EPS8L2: variants seen among roughly 807,000 people sequenced by gnomAD.
EPS8L2 encodes epidermal growth factor receptor kinase substrate 8-like protein 2.
Under a neutral mutation model 99.4 loss-of-function variants are expected in EPS8L2, and 81 were observed. That is an observed-to-expected ratio of 0.82 (90% CI 0.68 to 0.98). The LOEUF (loss-of-function observed/expected upper bound fraction) is 0.98. EPS8L2 is among the 50% of genes least tolerant of loss of function. The pLI is 0.00. For synonymous variants in EPS8L2, 509 were observed against 407.3 expected, an observed-to-expected ratio of 1.25 and a Z score of -3.01; for missense variants, 1,155 against 968.8, an observed-to-expected ratio of 1.19 and a Z score of -2.55.
rs374778020 is a variant in EPS8L2, at chr11:721,974, C to T, written c.967C>T (p.Leu323=). Residue 323 remains leucine (L), a synonymous_variant, in exon 11 of 21, where the codon CTG becomes TTG. Coordinates refer to ENST00000318562, the MANE Select transcript of EPS8L2 (RefSeq NM_022772.4). Reference sequence around the variant, plus strand: ...CATCGACTGCTTCCAGAAAATCAAGCTGGCGATTAACTTGCTGGTGGGTCC... The same window carrying T: ...CATCGACTGCTTCCAGAAAATCAAGTTGGCGATTAACTTGCTGGTGGGTCC... ...EFIDCFQKIK[L]AINLLAKLQK... is the part of the protein sequence containing the mutation. The T allele has an allele frequency of 3.3e-5, 53 of 1,605,106 alleles. No homozygotes were observed. Among genetic ancestry groups the T allele is most frequent in the Non-Finnish European group, 4.3e-5 (51 of 1,175,978 alleles).
intron 1 of EPS8L2, among the ~76,000 whole-genome samples, chr11:708,316 C>T (rs1398593475): frequency 6.6e-6 from 1 of 152,180 alleles, no homozygotes; most frequent in East Asian, 1.9e-4. Context: ...CTCTGTCCAT[C>T]CCCCCGGGAA....
intron 3 of EPS8L2, chr11:710,074 A>C: frequency 2.7e-6 from 1 of 363,996 alleles, no homozygotes; most frequent in Non-Finnish European, 5.1e-6. Context: ...AGGGAGAGTG[A>C]AGCTGGCAGC....
chr11:716,062 T>C (rs1344389379), intron 4 of EPS8L2, among the ~76,000 whole-genome samples: 1 of 145,408 alleles, frequency 6.9e-6, no homozygotes, highest in African/African-American at 2.5e-5. Flanking sequence ...AACCTCCGCC[T>C]CCTGGGTTCA....
Position 721,047 on chromosome 11 carries a change from A to G in EPS8L2, c.558-17A>G, listed in dbSNP as rs1564975936. 2.9e-6 allele frequency: 4 copies of G among 1,390,604 alleles called. No homozygotes were observed. The highest frequency in any genetic ancestry group is 2.8e-6 in the Non-Finnish European group (3 of 1,064,884). The allele number at this position is 1,390,604 out of a possible 1,614,324, so 86.1% of individuals were successfully genotyped here. On this transcript the variant is annotated splice_polypyrimidine_tract_variant and intron_variant, in intron 7 of 20. Coordinates refer to ENST00000318562, the MANE Select transcript of EPS8L2 (RefSeq NM_022772.4). ...TGCGTTCCCGGCGGGGCTGAGCAGGACCCCCTCGCCCTCCAGGGGACACCA... is the reference window on the plus strand; with the variant it reads ...TGCGTTCCCGGCGGGGCTGAGCAGGGCCCCCTCGCCCTCCAGGGGACACCA...
At chr11:715,204 T>A (rs187724128) in intron 4 of EPS8L2, among the ~76,000 whole-genome samples, 1 of 151,246 alleles carries the variant, frequency 6.6e-6, no homozygotes, top group African/African-American at 2.4e-5. Context: ...ATTGCGCCAC[T>A]GCACTCCAGC....
At chr11:709,219 C>T (rs1861818159) in intron 1 of EPS8L2, 111 bp from the exon 2 acceptor site, 1 of 684,386 alleles carries the variant, frequency 1.5e-6, no homozygotes, top group South Asian at 1.9e-5. Flanking sequence ...GGGCTCTGCC[C>T]CCCAAGGGAC....
intron 4 of EPS8L2, among the ~76,000 whole-genome samples, chr11:710,940 G>C (rs975867080): frequency 4.6e-5 from 7 of 152,324 alleles, no homozygotes; most frequent in East Asian, 3.9e-4. Flanking sequence ...CGCGGCCTGG[G>C]GGGTGAGGCA....
At chr11:725,909 C>T in intron 17 of EPS8L2, 62 bp downstream of exon 17, 5 of 1,379,288 alleles carry the variant, frequency 3.6e-6, no homozygotes, top group Non-Finnish European at 4.7e-6. Context: ...CCCGCCTGCG[C>T]CTAGCCCCGC....
rs1326608646 is a variant in EPS8L2 at position 727,479 on chromosome 11, G to A, written c.*498G>A. ...TGGGTGCCATTCGGGGGAAAGTGGG[G>A]GAACGACACACACTTCACCTGCAAG... On this transcript the variant is annotated 3_prime_UTR_variant, in exon 21 of 21. Transcript: ENST00000318562. 6.5e-6 allele frequency: 1 copy of A among 154,442 alleles called. No individual in the cohort carries two copies. Among genetic ancestry groups the A allele is most frequent in the Non-Finnish European group, 1.4e-5 (1 of 69,312 alleles). The allele number at this position is 154,442 out of a possible 1,614,324, so 9.6% of individuals were successfully genotyped here.
Position 725,735 on chromosome 11 carries a change from A to G in EPS8L2, c.1568A>G (p.Glu523Gly). The G allele has an allele frequency of 7.6e-7, 1 of 1,324,124 alleles. No homozygotes were observed. Among genetic ancestry groups the G allele is most frequent in the Non-Finnish European group, 9.6e-7 (1 of 1,038,430 alleles). 82.0% of individuals were successfully genotyped at this position (1,324,124 alleles called of 1,614,324 possible). The change falls in exon 17 of 21, where the codon GAG becomes GGG. Residue 523 changes from glutamate to glycine, a missense_variant. Physicochemically the swap from Glu to Gly is moderately conservative, Grantham distance 98. Transcript: ENST00000318562. ...TGACGGCGCGCCCCGCAGGTGCTGG[A>G]GGACGGCCGGCAGTGGTGGAAGCTG... ...VLKDEVLEVL[E>G]DGRQWWKLRS... is the part of the protein sequence containing the mutation.
Position 727,278 on chromosome 11 carries a change from T to G in EPS8L2, c.*297T>G. On this transcript the variant is annotated 3_prime_UTR_variant, in exon 21 of 21. Transcript: ENST00000318562. ...GGGGCTGGGGCCTCTTTCTCTGGCC[T>G]CCCCTGTGCACCTGGGGGGTCCTGG... The G allele has an allele frequency of 6.5e-6, 2 of 308,100 alleles. No individual in the cohort carries two copies. The highest frequency in any genetic ancestry group is 3.7e-5 in the South Asian group (1 of 27,058). The allele number at this position is 308,100 out of a possible 1,614,324, so 19.1% of individuals were successfully genotyped here.
At chr11:715,638 T>G in intron 4 of EPS8L2, among the ~76,000 whole-genome samples, 1 of 138,790 alleles carries the variant, frequency 7.2e-6, no homozygotes, top group Non-Finnish European at 1.5e-5. Context: ...TTTTTTTTTT[T>G]GAAATGGAGT....
At chr11:708,130 G>C (rs1283753310) in intron 1 of EPS8L2, among the ~76,000 whole-genome samples, 2 of 152,174 alleles carry the variant, frequency 1.3e-5, no homozygotes, top group African/African-American at 4.8e-5. Flanking sequence ...AGCAGTGGCT[G>C]GTGACCCCCA....
intron 5 of EPS8L2, 54 bp from the exon 6 acceptor site, chr11:720,543 T>C: frequency 6.4e-7 from 1 of 1,563,532 alleles, no homozygotes; most frequent in Non-Finnish European, 8.7e-7. Context: ...GGCCACTCCC[T>C]GCCAGAGTGC....
rs1245347447 is a variant in EPS8L2 at position 726,998 on chromosome 11, C to T, written c.*17C>T. 1 of 1,592,246 alleles carries T rather than the reference C, an allele frequency of 6.3e-7. No homozygotes were observed. The highest frequency in any genetic ancestry group is 8.6e-7 in the Non-Finnish European group (1 of 1,162,226). On this transcript the variant is annotated 3_prime_UTR_variant, in exon 21 of 21. Coordinates refer to ENST00000318562, the MANE Select transcript of EPS8L2 (RefSeq NM_022772.4). ...GACAGCTAGGCCCAGCTGCCTTGGG[C>T]TGGGGCCTGCGGAGGGGAAGCCCAC...
chr11:726,440 G>A lies in EPS8L2; in HGVS notation c.1890G>A (p.Pro630=), dbSNP rs564036219. 15 of 1,592,500 alleles carry A rather than the reference G, an allele frequency of 9.4e-6. No individual in the cohort carries two copies. The Admixed American group carries it at 1.1e-4, about 11-fold the overall frequency. The part of the protein sequence containing the change: ...VSQPLTYESG[P]DEVRAWLEAK... ...AGCCGCTCACCTACGAGTCGGGTCC[G>A]GACGAGGTCCGCGCCTGGCTGGAAG... is the stretch of plus-strand genomic sequence containing the variant. Residue 630 remains proline (P), a synonymous_variant, in exon 19 of 21, where the codon CCG becomes CCA. Coordinates refer to ENST00000318562, the MANE Select transcript of EPS8L2 (RefSeq NM_022772.4).
intron 4 of EPS8L2, among the ~76,000 whole-genome samples, chr11:712,784 G>A (rs542593678): frequency 6.6e-6 from 1 of 152,238 alleles, no homozygotes; most frequent in Non-Finnish European, 1.5e-5. Context: ...GGTGACCAGG[G>A]CCCTCCCAGC....
intron 3 of EPS8L2, 133 bp downstream of exon 3, chr11:709,741 C>T: frequency 9.8e-7 from 1 of 1,018,448 alleles, no homozygotes. Context: ...CCAGGGAGGC[C>T]TCTGGACCCT....
In EPS8L2 at chr11:725,810, A is replaced by AGGCGCGACCGGAGGACGCC; in HGVS notation, c.1649_1667dup (p.Pro557ThrfsTer220). 1 of 1,387,932 alleles carries AGGCGCGACCGGAGGACGCC rather than the reference A, an allele frequency of 7.2e-7. No homozygotes were observed. Among genetic ancestry groups the AGGCGCGACCGGAGGACGCC allele is most frequent in the Non-Finnish European group, 9.3e-7 (1 of 1,076,102 alleles). The allele number at this position is 1,387,932 out of a possible 1,614,324, so 86.0% of individuals were successfully genotyped here. On this transcript the variant is annotated frameshift_variant, in exon 17 of 21. Coordinates refer to ENST00000318562, the MANE Select transcript of EPS8L2 (RefSeq NM_022772.4). LOFTEE classifies it high-confidence loss of function. ...TACGTGCCCTGCAACATCCTAGGCGAGGCGCGACCGGAGGACGCCGGCGCC... is the reference window on the plus strand; with the variant it reads ...TACGTGCCCTGCAACATCCTAGGCGAGGCGCGACCGGAGGACGCCGGCGCGACCGGAGGACGCCGGCGCC...
Sources: gnomAD v4.1 joint callset for allele counts (sites outside exome capture counted in the v4.1 genomes callset) on GRCh38, gnomAD v4.1.1 for gene constraint, MANE v1.5 for transcripts, NCBI Gene and HGNC (gene_info 2026-07-23, HGNC 2026-07-21) for gene names.